RORB: variants seen among roughly 807,000 people sequenced by gnomAD.
The protein encoded by RORB is nuclear receptor ROR-beta.
RORB carries 6 observed loss-of-function variants against 59.1 expected under a neutral mutation model. The ratio of observed to expected loss-of-function variants is 0.10; its 90% CI spans 0.06 to 0.20. The LOEUF (loss-of-function observed/expected upper bound fraction) is 0.20. RORB is among the 10% of genes least tolerant of loss of function. The pLI, the probability that RORB is intolerant of heterozygous loss-of-function variation, is 1.00. For missense variants in RORB, 320 were observed against 560.5 expected, an observed-to-expected ratio of 0.57 and a Z score of 4.33; for synonymous variants, 215 against 204.5, an observed-to-expected ratio of 1.05 and a Z score of -0.44.
intron 1 of RORB, among the ~76,000 whole-genome samples, chr9:74,518,990 G>A (rs924220133): frequency 2.6e-5 from 4 of 151,938 alleles, no homozygotes; most frequent in African/African-American, 9.7e-5. Context: ...TAAGGGTCGT[G>A]TATATCAAAA....
intron 4 of RORB, among the ~76,000 whole-genome samples, chr9:74,652,129 C>T (rs929779394): frequency 1.3e-5 from 2 of 152,134 alleles, no homozygotes; most frequent in Admixed American, 1.3e-4. Context: ...TTAGAAAATG[C>T]TATCTTACTT....
chr9:74,524,650 T>C (rs1284352860), intron 1 of RORB, among the ~76,000 whole-genome samples: 2 of 151,986 alleles, frequency 1.3e-5, no homozygotes, highest in Non-Finnish European at 2.9e-5. Flanking sequence ...AATACTTTTT[T>C]TTAACCACTA....
intron 1 of RORB, among the ~76,000 whole-genome samples, chr9:74,607,558 A>G (rs1443918109): frequency 1.3e-5 from 2 of 151,890 alleles, no homozygotes; most frequent in East Asian, 3.9e-4. Flanking sequence ...AGGGAAAGAT[A>G]CATTTCATAT....
At chr9:74,511,539 C>A (rs1410920455) in intron 1 of RORB, among the ~76,000 whole-genome samples, 1 of 150,072 alleles carries the variant, frequency 6.7e-6, no homozygotes, top group Non-Finnish European at 1.5e-5. Context: ...GGTCCTGGCA[C>A]ATAAGGCGGC....
At position 74,567,482 on chromosome 9, in the gene RORB, A is replaced by T. The variant is rs1288593506; in HGVS notation, c.8-62800A>T. On this transcript the variant is annotated intron_variant, in intron 1 of 9. Coordinates refer to ENST00000376896, the MANE Select transcript of RORB (RefSeq NM_006914.4). ...TCACATAACCAAGATAGGGAAAGGGATAGGAATTCAGAGTAGGTAATGGCA... is the reference window on the plus strand; with the variant it reads ...TCACATAACCAAGATAGGGAAAGGGTTAGGAATTCAGAGTAGGTAATGGCA... 2.0e-5 allele frequency among the ~76,000 whole-genome samples: 3 copies of T among 152,262 alleles called. No individual in the cohort carries two copies. In the East Asian group the frequency reaches 5.8e-4, roughly 29 times the overall value.
In RORB at chr9:74,671,871, G is replaced by T; in HGVS notation, c.1194G>T (p.Lys398Asn). The change falls in exon 9 of 10, where the codon AAG becomes AAT. Residue 398 changes from lysine (K) to asparagine (N), a missense_variant. Lys to Asn is a moderately conservative substitution (Grantham distance 94). Coordinates refer to ENST00000376896, the MANE Select transcript of RORB (RefSeq NM_006914.4). ...TTGCACTTCAACATGTGATTCAGAA[G>T]AATCACCTGGATGATGAGACCTTGG... is the stretch of plus-strand genomic sequence containing the variant. The part of the protein sequence containing the change: ...IYFALQHVIQ[K>N]NHLDDETLAK... The T allele has an allele frequency of 6.2e-7, 1 of 1,610,454 alleles. No individual in the cohort carries two copies. Among genetic ancestry groups the T allele is most frequent in the South Asian group, 1.1e-5 (1 of 90,616 alleles).
At chr9:74,544,261 C>T (rs772360115) in intron 1 of RORB, among the ~76,000 whole-genome samples, 18 of 152,190 alleles carry the variant, frequency 1.2e-4, no homozygotes, top group Non-Finnish European at 2.4e-4. Flanking sequence ...TATCTGGTCA[C>T]ATGACGGAGG....
At chr9:74,545,819 A>G (rs183079109) in intron 1 of RORB, among the ~76,000 whole-genome samples, 1 of 149,770 alleles carries the variant, frequency 6.7e-6, no homozygotes, top group East Asian at 2.0e-4. Flanking sequence ...TTTTTTTTTC[A>G]GGGGACATAT....
intron 8 of RORB, among the ~76,000 whole-genome samples, chr9:74,670,511 A>G (rs772809032): frequency 5.3e-5 from 8 of 152,226 alleles, no homozygotes; most frequent in Non-Finnish European, 1.2e-4. Context: ...GAAAAAAAAC[A>G]TACTATCATC....
intron 9 of RORB, among the ~76,000 whole-genome samples, chr9:74,674,304 T>C (rs1824398179): frequency 6.6e-6 from 1 of 152,220 alleles, no homozygotes. Flanking sequence ...GAATATTTGT[T>C]ATTCATAGAC....
intron 9 of RORB, among the ~76,000 whole-genome samples, chr9:74,681,641 G>GT (rs986859291): frequency 1.3e-5 from 2 of 152,204 alleles, no homozygotes; most frequent in East Asian, 1.9e-4. Flanking sequence ...TTAAATCCCA[G>GT]TTTTTTTCCC....
At position 74,608,052 on chromosome 9, in the gene RORB, T is replaced by C. The variant is rs535851962; in HGVS notation, c.8-22230T>C. ...AAAGTCTATTTCTCTTCCTGCACAA[T>C]GAGCTTATGGGCTGAAAGTTCCATG... On this transcript the variant is annotated intron_variant, in intron 1 of 9. Coordinates refer to ENST00000376896, the MANE Select transcript of RORB (RefSeq NM_006914.4). Among the ~76,000 whole-genome samples, 7 of 152,262 alleles carry C rather than the reference T, an allele frequency of 4.6e-5. No homozygotes were observed. In the East Asian group the frequency reaches 7.7e-4, roughly 17 times the overall value.
intron 4 of RORB, among the ~76,000 whole-genome samples, chr9:74,659,519 G>A (rs1320316116): frequency 1.3e-5 from 2 of 151,944 alleles, no homozygotes; most frequent in African/African-American, 4.8e-5. Context: ...GTTTTGTTTT[G>A]TTTTTGAGAT....
At chr9:74,676,782 A>G (rs1253497242) in intron 9 of RORB, among the ~76,000 whole-genome samples, 7 of 152,172 alleles carry the variant, frequency 4.6e-5, no homozygotes, top group African/African-American at 1.7e-4. Flanking sequence ...TTTTCCCGTT[A>G]TTCTTCCTAA....
Position 74,558,111 on chromosome 9 carries a change from T to C in RORB, c.7+60128T>C, listed in dbSNP as rs144946175. Among the ~76,000 whole-genome samples, 186 of 152,334 alleles carry C rather than the reference T, an allele frequency of 1.2e-3. 1 individual carries two copies. The highest frequency in any genetic ancestry group is 2.0e-3 in the Non-Finnish European group (137 of 68,026). Reference sequence around the variant, plus strand: ...TATTTTCATTAATATTTACTTTATGTAAATATTGCTATTTTTAAAACTACT... The same window carrying C: ...TATTTTCATTAATATTTACTTTATGCAAATATTGCTATTTTTAAAACTACT... On this transcript the variant is annotated intron_variant, in intron 1 of 9. Coordinates refer to ENST00000376896, the MANE Select transcript of RORB (RefSeq NM_006914.4).
Position 74,536,230 on chromosome 9 carries a change from C to G in RORB, c.7+38247C>G, listed in dbSNP as rs76752874. ...GGAGTCAGTTGCTATACTTACTGTGCTAAAAAAGGGCGGGGGCTAAAATAC... is the reference window on the plus strand; with the variant it reads ...GGAGTCAGTTGCTATACTTACTGTGGTAAAAAAGGGCGGGGGCTAAAATAC... On this transcript the variant is annotated intron_variant, in intron 1 of 9. Coordinates refer to ENST00000376896, the MANE Select transcript of RORB (RefSeq NM_006914.4). Among the ~76,000 whole-genome samples the G allele has an allele frequency of 4.7e-4, 71 of 151,350 alleles. No individual in the cohort carries two copies. The East Asian group carries it at 0.014, about 29-fold the overall frequency.
intron 3 of RORB, among the ~76,000 whole-genome samples, chr9:74,635,510 C>T (rs953249768): frequency 6.6e-6 from 1 of 152,186 alleles, no homozygotes; most frequent in Non-Finnish European, 1.5e-5. Flanking sequence ...TTCATTCATT[C>T]ATCCAAAGTA....
chr9:74,521,934 A>G (rs1563927498), intron 1 of RORB, among the ~76,000 whole-genome samples: 1 of 151,784 alleles, frequency 6.6e-6, no homozygotes, highest in Non-Finnish European at 1.5e-5. Flanking sequence ...TTTTATAAAT[A>G]TGCTCCTTGT....
At position 74,600,510 on chromosome 9, in the gene RORB, G is replaced by A. The variant is rs138760318; in HGVS notation, c.8-29772G>A. Among the ~76,000 whole-genome samples, 96 of 152,240 alleles carry A rather than the reference G, an allele frequency of 6.3e-4. 1 individual carries two copies. The highest frequency in any genetic ancestry group is 2.1e-3 in the African/African-American group (88 of 41,552). Reference sequence around the variant, plus strand: ...CTTCTGAGGCAATTGGTGTTTCTGGGATCACTGATGGGCTGCACAGTCCAT... The same window carrying A: ...CTTCTGAGGCAATTGGTGTTTCTGGAATCACTGATGGGCTGCACAGTCCAT... On this transcript the variant is annotated intron_variant, in intron 1 of 9. Coordinates refer to ENST00000376896, the MANE Select transcript of RORB (RefSeq NM_006914.4).
Sources: allele counts gnomAD v4.1 joint callset (sites outside exome capture counted in the v4.1 genomes callset), GRCh38; gene constraint gnomAD v4.1.1; transcripts MANE v1.5; gene names NCBI Gene and HGNC (gene_info 2026-07-23, HGNC 2026-07-21).